TRMT11: variants seen among roughly 807,000 people sequenced by gnomAD.
TRMT11 encodes tRNA methyltransferase 11, also known as tRNA (guanine(10)-N(2))-methyltransferase TRMT11.
A neutral mutation model predicts 62.8 loss-of-function variants in TRMT11; 53 were observed. That is an observed-to-expected ratio of 0.84 (90% CI 0.68 to 1.06). The LOEUF (loss-of-function observed/expected upper bound fraction) is 1.06, where lower values mean the gene tolerates loss of function less well. TRMT11 is among the 50% of genes least tolerant of loss of function. The probability of loss-of-function intolerance (pLI) is 0.00; values close to 1 mark genes in which losing one functional copy is unlikely to be tolerated. For missense variants in TRMT11, 556 were observed against 553.4 expected (o/e 1.00, Z -0.05); for synonymous variants, 188 against 190.3 (o/e 0.99, Z 0.10).
intron 17 of TRMT11, among the ~76,000 whole-genome samples, chr6:126,104,870 T>C (rs1777446957): frequency 6.6e-6 from 1 of 152,206 alleles, no homozygotes. Context: ...AAAGATATTA[T>C]CCTATTGATG....
intron 17 of TRMT11, among the ~76,000 whole-genome samples, chr6:126,074,062 G>A (rs1014088165): frequency 6.6e-6 from 1 of 152,176 alleles, no homozygotes; most frequent in African/African-American, 2.4e-5. Context: ...CCCATGACAC[G>A]TGGGGATTAT....
chr6:126,154,384 A>G (rs981706591), intron 21 of TRMT11, among the ~76,000 whole-genome samples: 1 of 151,908 alleles, frequency 6.6e-6, no homozygotes, highest in African/African-American at 2.4e-5. Flanking sequence ...AAGTTTAAAG[A>G]AGATGAAGTG....
intron 17 of TRMT11, among the ~76,000 whole-genome samples, chr6:126,063,676 G>A (rs1414082560): frequency 1.3e-5 from 2 of 152,224 alleles, no homozygotes; most frequent in African/African-American, 4.8e-5. Context: ...GCTTGGAGGT[G>A]AAGCCAGCTG....
chr6:126,011,700 T>G (rs951853556), intron 9 of TRMT11, among the ~76,000 whole-genome samples: 1 of 152,204 alleles, frequency 6.6e-6, no homozygotes, highest in African/African-American at 2.4e-5. Context: ...AGCTTATTTT[T>G]TTGAGGCATA....
chr6:126,251,231 A>G, the TRMT11 span, among the ~76,000 whole-genome samples: 2 of 151,828 alleles, frequency 1.3e-5, no homozygotes, highest in South Asian at 2.1e-4. Flanking sequence ...GGGTTTCACC[A>G]TGTTGGCCAG....
At chr6:126,261,555 T>A in the TRMT11 span, among the ~76,000 whole-genome samples, 2 of 152,212 alleles carry the variant, frequency 1.3e-5, no homozygotes. Context: ...TAGAATAGTT[T>A]CTTTTTCCAA....
chr6:126,259,947 G>A, the TRMT11 span, among the ~76,000 whole-genome samples: 1 of 151,918 alleles, frequency 6.6e-6, no homozygotes, highest in African/African-American at 2.4e-5. Context: ...TTTTTAGTCT[G>A]TTTGTCTTTA....
intron 21 of TRMT11, among the ~76,000 whole-genome samples, chr6:126,128,691 A>G (rs1425686792): frequency 6.6e-6 from 1 of 152,042 alleles, no homozygotes; most frequent in Non-Finnish European, 1.5e-5. Flanking sequence ...TGTGGTTTGA[A>G]ATCATTTCAA....
chr6:126,162,249 T>G (rs1778199533), intron 21 of TRMT11, among the ~76,000 whole-genome samples: 1 of 152,092 alleles, frequency 6.6e-6, no homozygotes, highest in Non-Finnish European at 1.5e-5. Context: ...AAGGTGTAAG[T>G]AAAGGGTCCA....
chr6:126,091,266 C>T (rs1777273882), intron 17 of TRMT11, among the ~76,000 whole-genome samples: 2 of 151,970 alleles, frequency 1.3e-5, no homozygotes, highest in South Asian at 2.1e-4. Flanking sequence ...TCAGCTTAAA[C>T]GTTACTTCAT....
At chr6:126,122,782 T>C (rs147557233) in intron 21 of TRMT11, among the ~76,000 whole-genome samples, 145 of 152,258 alleles carry the variant, frequency 9.5e-4, no homozygotes, top group African/African-American at 2.7e-3. Flanking sequence ...CTCTCATGTA[T>C]ACACATTAGA....
chr6:126,107,309 A>G (rs747458954), intron 17 of TRMT11, among the ~76,000 whole-genome samples: 33 of 152,224 alleles, frequency 2.2e-4, no homozygotes, highest in Non-Finnish European at 1.3e-4. Context: ...TGTTTTAAGA[A>G]GAGTATCATT....
intron 16 of TRMT11, among the ~76,000 whole-genome samples, chr6:126,047,742 T>G (rs887249051): frequency 5.3e-5 from 8 of 152,224 alleles, no homozygotes; most frequent in Non-Finnish European, 7.3e-5. Context: ...AGCTCCTGCA[T>G]CTGCCTGTCT....
At chr6:126,031,398 GCTT>G (rs1312316754) in intron 12 of TRMT11, among the ~76,000 whole-genome samples, 4 of 152,136 alleles carry the variant, frequency 2.6e-5, no homozygotes, top group African/African-American at 7.2e-5. Context: ...ACAGACTAAG[GCTT>G]CTTATCCTTA....
At chr6:126,242,305 G>A in the TRMT11 span, among the ~76,000 whole-genome samples, 1 of 152,114 alleles carries the variant, frequency 6.6e-6, no homozygotes, top group Non-Finnish European at 1.5e-5. Context: ...AAATGGAAGA[G>A]CATTCCATGC....
At chr6:126,009,549 A>G (rs546104659) in intron 8 of TRMT11, 7 of 152,130 alleles carry the variant, frequency 4.6e-5, no homozygotes, top group African/African-American at 1.2e-4. Context: ...CTCACCCAGT[A>G]TAAGTTATTG....
At chr6:126,265,774 C>A in the TRMT11 span, among the ~76,000 whole-genome samples, 1 of 152,152 alleles carries the variant, frequency 6.6e-6, no homozygotes, top group South Asian at 2.1e-4. Context: ...ATCTTAGCAT[C>A]AATAATATTC....
intron 17 of TRMT11, among the ~76,000 whole-genome samples, chr6:126,077,885 T>C (rs1022991161): frequency 6.6e-6 from 1 of 152,146 alleles, no homozygotes; most frequent in African/African-American, 2.4e-5. Context: ...ATCATAAATA[T>C]GGTGAGAGTC....
chr6:126,106,199 A>T (rs1242937288), intron 17 of TRMT11, among the ~76,000 whole-genome samples: 1 of 150,600 alleles, frequency 6.6e-6, no homozygotes, highest in Non-Finnish European at 1.5e-5. Flanking sequence ...GCTGGAGTGC[A>T]GTGGTATGAT....
Sources: gnomAD v4.1 joint callset for allele counts (sites outside exome capture counted in the v4.1 genomes callset) on GRCh38, gnomAD v4.1.1 for gene constraint, MANE v1.5 for transcripts, NCBI Gene and HGNC (gene_info 2026-07-23, HGNC 2026-07-21) for gene names.